The following ITGB8 variants were observed in gnomAD, a reference collection of about 807,000 sequenced individuals.
ITGB8 encodes the protein integrin beta-8.
Under a neutral mutation model 89.5 loss-of-function variants are expected in ITGB8, and 30 were observed. That is an observed-to-expected ratio of 0.34 (90% CI 0.25 to 0.45). The LOEUF is 0.45. Among genes scored for constraint, ITGB8 ranks in the 20% least tolerant of loss-of-function variants. The pLI is 1.00. For missense variants in ITGB8, 836 were observed against 933.3 expected (o/e 0.90, Z 1.36); for synonymous variants, 335 against 320.4 (o/e 1.05, Z -0.49).
chr7:20,407,977 T>C (rs1051971264), intron 12 of ITGB8, among the ~76,000 whole-genome samples: 1 of 152,212 alleles, frequency 6.6e-6, no homozygotes, highest in African/African-American at 2.4e-5. Context: ...TTCACAACTA[T>C]TGTGCAAGGA....
upstream of ITGB8, among the ~76,000 whole-genome samples, chr7:20,330,472 G>C (rs1768396797): frequency 6.6e-6 from 1 of 152,180 alleles, no homozygotes; most frequent in Admixed American, 6.5e-5. Context: ...ACCCCCGCGA[G>C]CGTTGGGGTG....
intron 1 of ITGB8, among the ~76,000 whole-genome samples, chr7:20,334,763 T>C (rs1360691666): frequency 3.3e-5 from 5 of 152,202 alleles, no homozygotes; most frequent in African/African-American, 1.2e-4. Context: ...CACTTTCTGA[T>C]CAATTAAAAA....
At position 20,406,055 on chromosome 7, in the gene ITGB8, C is replaced by A; in HGVS notation, c.1914-7C>A. ...ATAAATATTTTCACTTCTGTTTCCC[C>A]TTGCAGGAATTGTATGCAATGCCTT... On this transcript the variant is annotated splice_region_variant and splice_polypyrimidine_tract_variant and intron_variant, in intron 11 of 13. Coordinates refer to ENST00000222573, the MANE Select transcript of ITGB8 (RefSeq NM_002214.3). The A allele has an allele frequency of 6.5e-7, 1 of 1,531,562 alleles. No individual in the cohort carries two copies. The highest frequency in any genetic ancestry group is 9.1e-7 in the Non-Finnish European group (1 of 1,104,818). 94.9% of individuals were successfully genotyped at this position (1,531,562 alleles called of 1,614,324 possible). A position where few individuals can be genotyped will look rare whatever the true frequency, so the allele number is the denominator to read the frequency against.
At chr7:20,356,732 CCAT>C (rs1389355110) in intron 1 of ITGB8, among the ~76,000 whole-genome samples, 2 of 152,188 alleles carry the variant, frequency 1.3e-5, no homozygotes, top group East Asian at 3.9e-4. Context: ...TGCCAGATAA[CCAT>C]GAACATCCTT....
At chr7:20,354,862 T>C (rs10238339) in intron 1 of ITGB8, among the ~76,000 whole-genome samples, 37,343 of 152,170 alleles carry the variant, frequency 0.25, 5,344 homozygotes, top group Non-Finnish European at 0.32. Flanking sequence ...GGCATTTCAG[T>C]TCCTCTCAAT....
At chr7:20,331,997 G>C (rs1213669236) in intron 1 of ITGB8, 64 bp downstream of exon 1, 32 of 1,572,680 alleles carry the variant, frequency 2.0e-5, no homozygotes, top group Non-Finnish European at 2.5e-5. Context: ...GGCACGAAGA[G>C]CTGCCCGGCC....
intron 1 of ITGB8, among the ~76,000 whole-genome samples, chr7:20,353,793 G>A (rs962619070): frequency 6.0e-5 from 9 of 150,660 alleles, no homozygotes; most frequent in Non-Finnish European, 1.2e-4. Context: ...TTAGCCAGGC[G>A]TGGTGGCGCG....
chr7:20,333,416 C>T (rs1216980596), intron 1 of ITGB8, among the ~76,000 whole-genome samples: 1 of 152,120 alleles, frequency 6.6e-6, no homozygotes, highest in Non-Finnish European at 1.5e-5. Flanking sequence ...ATAATTTCAT[C>T]CTGTTTCAAT....
chr7:20,381,692 A>T, intron 5 of ITGB8, 35 bp from the exon 6 acceptor site: 1 of 1,510,232 alleles, frequency 6.6e-7, no homozygotes, highest in Non-Finnish European at 9.1e-7. Flanking sequence ...CATCTGTGTT[A>T]TTGTACAAAG....
chr7:20,331,582 AC>A lies in ITGB8; in HGVS notation c.-222del. On this transcript the variant is annotated 5_prime_UTR_variant, in exon 1 of 14. It removes the in-frame stop codon of an upstream open reading frame in the 5' UTR. Transcript: ENST00000222573. ...AGGTGCTTCTCGCGGAGACCGCGGG[AC>A]CCGCCGTGCCGAGCCGGGAGGGCCG... is the stretch of plus-strand genomic sequence containing the variant. 1 of 469,430 alleles carries A rather than the reference AC, an allele frequency of 2.1e-6. No homozygotes were observed. Among genetic ancestry groups the A allele is most frequent in the South Asian group, 5.9e-5 (1 of 16,910 alleles). 29.1% of individuals were successfully genotyped at this position (469,430 alleles called of 1,614,324 possible).
intron 3 of ITGB8, among the ~76,000 whole-genome samples, chr7:20,370,329 A>C (rs17142738): frequency 0.11 from 16,399 of 151,612 alleles, 1,111 homozygotes; most frequent in East Asian, 0.42. Context: ...AAACTGTTTA[A>C]GTCTTGAGAT....
chr7:20,401,761 T>C lies in ITGB8; in HGVS notation c.1322T>C (p.Val441Ala), dbSNP rs539439520. 260 of 1,586,094 alleles carry C rather than the reference T, an allele frequency of 1.6e-4. 2 individuals are homozygous for C. In the South Asian group the frequency reaches 2.8e-3, roughly 17 times the overall value. Reference sequence around the variant, plus strand: ...ACAGTTACAATGAAAAAATGTGATGTCACAGGAGGAAAAAACTATGCAATA... The same window carrying C: ...ACAGTTACAATGAAAAAATGTGATGCCACAGGAGGAAAAAACTATGCAATA... ...NVTVTMKKCDVTGGKNYAIIK... is the reference protein window; with the variant it reads ...NVTVTMKKCDATGGKNYAIIK... Residue 441 changes from valine (V) to alanine (A), a missense_variant, in exon 10 of 14, where the codon GTC becomes GCC. Transcript: ENST00000222573.
chr7:20,334,715 T>A (rs4419720), intron 1 of ITGB8, among the ~76,000 whole-genome samples: 38,616 of 152,030 alleles, frequency 0.25, 5,512 homozygotes, highest in Non-Finnish European at 0.32. Context: ...ATTTGCATAA[T>A]AAGCTCCCAA....
chr7:20,352,699 A>C (rs1232580883), intron 1 of ITGB8: 1 of 152,004 alleles, frequency 6.6e-6, no homozygotes, highest in Non-Finnish European at 1.5e-5. Context: ...TTTCCTGTAA[A>C]CTCATCATGA....
At chr7:20,376,860 A>G (rs1007209751) in intron 3 of ITGB8, among the ~76,000 whole-genome samples, 2 of 152,188 alleles carry the variant, frequency 1.3e-5, no homozygotes, top group Non-Finnish European at 2.9e-5. Flanking sequence ...AAACTTCTCT[A>G]CCAAGGCCTC....
At chr7:20,352,417 T>C (rs1332171001) in intron 1 of ITGB8, 1 of 152,218 alleles carries the variant, frequency 6.6e-6, no homozygotes, top group African/African-American at 2.4e-5. Flanking sequence ...TGAGTGACCA[T>C]TTGGCTGCCA....
intron 1 of ITGB8, among the ~76,000 whole-genome samples, chr7:20,337,488 C>T (rs1410595192): frequency 2.0e-5 from 3 of 152,100 alleles, no homozygotes; most frequent in Non-Finnish European, 2.9e-5. Context: ...TACTGTAGGC[C>T]AGGCACCCTC....
chr7:20,366,967 T>C lies in ITGB8; in HGVS notation c.214-45T>C, dbSNP rs144880843. ...GCTATGTCATTTTCTTTGGATGTAA[T>C]TGATATACACTAAAAACATCAGTGA... On this transcript the variant is annotated intron_variant, in intron 2 of 13. Transcript: ENST00000222573. 3.4e-3 allele frequency: 4,618 copies of C among 1,361,824 alleles called. 128 individuals are homozygous for C. In the African/African-American group the frequency reaches 0.059, roughly 17 times the overall value. 84.4% of individuals were successfully genotyped at this position (1,361,824 alleles called of 1,614,324 possible).
At chr7:20,380,537 G>GT (rs1426198161) in intron 4 of ITGB8, 129 bp from the exon 5 acceptor site, 4 of 689,490 alleles carry the variant, frequency 5.8e-6, no homozygotes, top group Non-Finnish European at 9.9e-6. Flanking sequence ...ATAGATTTTC[G>GT]TCGTATAAAG....
Sources: gnomAD v4.1 joint callset for allele counts (sites outside exome capture counted in the v4.1 genomes callset) on GRCh38, gnomAD v4.1.1 for gene constraint, MANE v1.5 for transcripts, NCBI Gene and HGNC (gene_info 2026-07-23, HGNC 2026-07-21) for gene names.